MAPK10: variants seen among roughly 807,000 people sequenced by gnomAD.
The protein encoded by MAPK10 is mitogen-activated protein kinase 10.
In MAPK10, 25 loss-of-function variants were observed where a neutral mutation model predicts 59.3. That is an observed-to-expected ratio of 0.42 (90% confidence interval 0.31 to 0.59). MAPK10 has a LOEUF of 0.59. Among genes scored for constraint, MAPK10 ranks in the 20% least tolerant of loss-of-function variants. MAPK10 has a pLI of 0.15. For missense variants in MAPK10, 351 were observed against 568.9 expected (o/e 0.62, Z 3.90); for synonymous variants, 190 against 200.5 (o/e 0.95, Z 0.44).
chr4:86,503,408 C>T (rs969648421), intron 1 of MAPK10, among the ~76,000 whole-genome samples: 3 of 152,004 alleles, frequency 2.0e-5, no homozygotes, highest in Non-Finnish European at 2.9e-5. Context: ...TTCATCTAAT[C>T]GAATTCTTCC....
rs983485341 is a variant in MAPK10 at position 86,197,469 on chromosome 4, T to C, written c.-6-3062A>G. On this transcript the variant is annotated intron_variant, in intron 2 of 13. Transcript: ENST00000641462. Reference sequence around the variant, plus strand: ...TTAAGGAGATTTGGGGCTGAGACAATGGGGTTTTCTAAATGTAGAATCATG... The same window carrying C: ...TTAAGGAGATTTGGGGCTGAGACAACGGGGTTTTCTAAATGTAGAATCATG... Among the ~76,000 whole-genome samples, 8 of 152,214 alleles carry C rather than the reference T, an allele frequency of 5.3e-5. No individual in the cohort carries two copies. In the South Asian group the frequency reaches 1.2e-3, roughly 24 times the overall value.
At chr4:86,113,248 C>A (rs1176556374) in intron 4 of MAPK10, among the ~76,000 whole-genome samples, 3 of 152,086 alleles carry the variant, frequency 2.0e-5, no homozygotes, top group Non-Finnish European at 4.4e-5. Context: ...TGAATTTGAT[C>A]CTGTCATCAT....
intron 9 of MAPK10, among the ~76,000 whole-genome samples, chr4:86,071,479 C>T (rs1470216406): frequency 7.0e-6 from 1 of 143,662 alleles, no homozygotes; most frequent in African/African-American, 2.7e-5. Flanking sequence ...TGCCTATGTC[C>T]TGAATGGTAA....
intron 3 of MAPK10, among the ~76,000 whole-genome samples, chr4:86,162,535 T>C (rs2070141220): frequency 6.6e-6 from 1 of 152,066 alleles, no homozygotes; most frequent in African/African-American, 2.4e-5. Context: ...CATGGGTTTT[T>C]CAGCCCTTTG....
At position 86,013,317 on chromosome 4, in the gene MAPK10, C is replaced by T. The variant is rs954186948; in HGVS notation, c.*3911G>A. The T allele has an allele frequency of 6.6e-6, 1 of 152,056 alleles. No individual in the cohort carries two copies. Among genetic ancestry groups the T allele is most frequent in the Non-Finnish European group, 1.5e-5 (1 of 68,008 alleles). 9.4% of individuals were successfully genotyped at this position (152,056 alleles called of 1,614,324 possible). A position where few individuals can be genotyped will look rare whatever the true frequency, so the allele number is the denominator to read the frequency against. On this transcript the variant is annotated 3_prime_UTR_variant, in exon 14 of 14. Transcript: ENST00000641462. Reference sequence around the variant, plus strand: ...AATGATATCTGTGGAAAATGTTGAACTCTTATAATTAAAATGTGTGTGGGG... The same window carrying T: ...AATGATATCTGTGGAAAATGTTGAATTCTTATAATTAAAATGTGTGTGGGG...
At chr4:86,547,382 C>G (rs1409700183) in intron 1 of MAPK10, among the ~76,000 whole-genome samples, 1 of 152,218 alleles carries the variant, frequency 6.6e-6, no homozygotes, top group African/African-American at 2.4e-5. Flanking sequence ...TCTGCGGACC[C>G]GCACTCCCAG....
chr4:86,106,115 TA>T (rs2149082215), intron 5 of MAPK10, among the ~76,000 whole-genome samples: 1 of 152,214 alleles, frequency 6.6e-6, no homozygotes, highest in Non-Finnish European at 1.5e-5. Context: ...ATGACTGAAT[TA>T]AAAAATCATC....
intron 3 of MAPK10, among the ~76,000 whole-genome samples, chr4:86,169,165 C>T (rs2073095738): frequency 6.6e-6 from 1 of 152,184 alleles, no homozygotes; most frequent in East Asian, 1.9e-4. Flanking sequence ...GACTCTCCTC[C>T]TCCAAAGGAA....
chr4:86,071,994 T>G (rs1283095098), intron 9 of MAPK10, among the ~76,000 whole-genome samples: 1 of 131,524 alleles, frequency 7.6e-6, no homozygotes, highest in African/African-American at 3.2e-5. Context: ...GTATGGCCAT[T>G]TTCACGATAT....
intron 1 of MAPK10, among the ~76,000 whole-genome samples, chr4:86,422,123 CTAT>C (rs1414707187): frequency 3.3e-5 from 5 of 152,166 alleles, no homozygotes; most frequent in Non-Finnish European, 7.4e-5. Flanking sequence ...CATCAGTTAA[CTAT>C]TTTTTTTACA....
intron 1 of MAPK10, among the ~76,000 whole-genome samples, chr4:86,420,039 T>G (rs1746314933): frequency 6.6e-6 from 1 of 152,162 alleles, no homozygotes; most frequent in South Asian, 2.1e-4. Context: ...CACCATCCAC[T>G]GAGATAAATG....
chr4:86,102,872 A>G (rs1034625761), intron 6 of MAPK10: 3 of 178,232 alleles, frequency 1.7e-5, no homozygotes, highest in African/African-American at 7.1e-5. Context: ...TGTGGAATCT[A>G]TTAATAAATA....
At chr4:86,572,908 CAT>C (rs1761575835) in intron 1 of MAPK10, among the ~76,000 whole-genome samples, 1 of 152,078 alleles carries the variant, frequency 6.6e-6, no homozygotes, top group Non-Finnish European at 1.5e-5. Context: ...CGGTGAATAT[CAT>C]GTGTTTATTT....
chr4:86,427,028 C>A (rs1018862289), intron 1 of MAPK10, among the ~76,000 whole-genome samples: 1 of 151,726 alleles, frequency 6.6e-6, no homozygotes, highest in Non-Finnish European at 1.5e-5. Flanking sequence ...GAGGCTGAGG[C>A]GGGCAGATCA....
chr4:86,213,014 C>G (rs2086297508), intron 2 of MAPK10, among the ~76,000 whole-genome samples: 1 of 152,066 alleles, frequency 6.6e-6, no homozygotes, highest in African/African-American at 2.4e-5. Flanking sequence ...CTGGTCACAA[C>G]AGTATGAAGT....
At chr4:86,174,136 A>G (rs1319240736) in intron 3 of MAPK10, among the ~76,000 whole-genome samples, 4 of 151,814 alleles carry the variant, frequency 2.6e-5, no homozygotes, top group African/African-American at 4.9e-5. Flanking sequence ...TACCCAAAGT[A>G]ATATAAATAA....
chr4:86,373,026 A>AACCAAAATGGCATGGTAGTGGT (rs1739152014), intron 1 of MAPK10, among the ~76,000 whole-genome samples: 1 of 152,254 alleles, frequency 6.6e-6, no homozygotes, highest in Non-Finnish European at 1.5e-5. Flanking sequence ...AGGCTACAGT[A>AACCAAAATGGCATGGTAGTGGT]ACCAAAATGG....
chr4:86,083,506 G>C (rs900030433), intron 9 of MAPK10, among the ~76,000 whole-genome samples: 1 of 152,260 alleles, frequency 6.6e-6, no homozygotes, highest in Non-Finnish European at 1.5e-5. Flanking sequence ...GCCCTGGCCA[G>C]AGGGGAATCG....
At position 86,510,678 on chromosome 4, in the gene MAPK10, A is replaced by T. The variant is rs531628069; in HGVS notation, c.-263+83232T>A. Among the ~76,000 whole-genome samples the T allele has an allele frequency of 5.3e-5, 8 of 152,310 alleles. No homozygotes were observed. In the East Asian group the frequency reaches 1.5e-3, roughly 29 times the overall value. On this transcript the variant is annotated intron_variant, in intron 1 of 4. Coordinates refer to the MAPK10 transcript ENST00000502302. ...GAAAGAAAATGTCATGTATATAGATATACTCAATGGAATCTAATTCAGCCA... is the reference window on the plus strand; with the variant it reads ...GAAAGAAAATGTCATGTATATAGATTTACTCAATGGAATCTAATTCAGCCA...
Sources: gnomAD v4.1 joint callset for allele counts (sites outside exome capture counted in the v4.1 genomes callset) on GRCh38, gnomAD v4.1.1 for gene constraint, MANE v1.5 for transcripts, NCBI Gene and HGNC (gene_info 2026-07-23, HGNC 2026-07-21) for gene names.